The following CAPN1 variants were observed in gnomAD, a reference collection of about 807,000 sequenced individuals.
The protein encoded by CAPN1 is calpain 1.
A neutral mutation model predicts 105.2 loss-of-function variants in CAPN1; 77 were observed. That is an observed-to-expected ratio of 0.73 (90% CI 0.61 to 0.88). The LOEUF is 0.88. CAPN1 is among the 40% of genes least tolerant of loss of function. The probability of loss-of-function intolerance (pLI) is 0.00; values close to 1 mark genes in which losing one functional copy is unlikely to be tolerated. For synonymous variants in CAPN1, 355 were observed against 388.8 expected (o/e 0.91, Z 1.02); for missense variants, 833 against 976.6 (o/e 0.85, Z 1.96).
chr11:65,201,562 G>A (rs1192339157), intron 10 of CAPN1, among the ~76,000 whole-genome samples: 2 of 152,160 alleles, frequency 1.3e-5, no homozygotes, highest in East Asian at 3.9e-4. Context: ...CTGTCGCCCA[G>A]GCTTGAGTGC....
intron 10 of CAPN1, among the ~76,000 whole-genome samples, chr11:65,200,241 A>G (rs1948848024): frequency 6.6e-6 from 1 of 151,632 alleles, no homozygotes; most frequent in Non-Finnish European, 1.5e-5. Flanking sequence ...GGGTTTTACC[A>G]CCTCGCCCAG....
rs1157696749 is a variant in CAPN1 at position 65,188,160 on chromosome 11, C to T, written c.929+120C>T. The T allele has an allele frequency of 1.7e-5, 13 of 765,728 alleles. No homozygotes were observed. Among genetic ancestry groups the T allele is most frequent in the East Asian group, 1.1e-4 (4 of 37,226 alleles). 47.4% of individuals were successfully genotyped at this position (765,728 alleles called of 1,614,324 possible). On this transcript the variant is annotated intron_variant, in intron 8 of 21. Transcript: ENST00000279247. This position sits in a 1 kb window ranked among gnomAD's most constrained non-coding sequence, Gnocchi z 5.5. The stretch of plus-strand genomic sequence containing the variant: ...AGGATTGAGCAGAGGGGCCCATCTT[C>T]GCGCGACTGGGTCTGGGGGACTGCT...
intron 21 of CAPN1, 147 bp downstream of exon 21, chr11:65,211,019 TG>T: frequency 1.2e-6 from 1 of 811,944 alleles, no homozygotes; most frequent in Non-Finnish European, 2.1e-6. Flanking sequence ...CCTGAAAGGC[TG>T]GGGTGGGGGT....
At position 65,188,252 on chromosome 11, in the gene CAPN1, G is replaced by A; in HGVS notation, c.930-162G>A. On this transcript the variant is annotated intron_variant, in intron 8 of 21. Transcript: ENST00000279247. The surrounding 1 kb of genome is among the most constrained non-coding windows in gnomAD (Gnocchi z 5.5). ...CGGGTGTGTGCAGGGCATCAGACTG[G>A]CCCTGATGAGACCACCCCCTAGAAG... 1 of 707,754 alleles carries A rather than the reference G, an allele frequency of 1.4e-6. No homozygotes were observed. 43.8% of individuals were successfully genotyped at this position (707,754 alleles called of 1,614,324 possible).
intron 10 of CAPN1, among the ~76,000 whole-genome samples, chr11:65,204,342 T>C (rs1246830391): frequency 6.6e-6 from 1 of 152,130 alleles, no homozygotes; most frequent in African/African-American, 2.4e-5. Flanking sequence ...TGGGGTGCCC[T>C]CCGCCTGGCT....
Position 65,210,981 on chromosome 11 carries a change from C to A in CAPN1, c.2118+109C>A, listed in dbSNP as rs1329226534. ...CTGGAAATGAGCCTGGGCCTCAGAG[C>A]CAACCCTGAAGCCCGGGCCACCTGA... On this transcript the variant is annotated intron_variant, in intron 21 of 21. Coordinates refer to ENST00000279247, the MANE Select transcript of CAPN1 (RefSeq NM_005186.4). This position sits in a 1 kb window ranked among gnomAD's most constrained non-coding sequence, Gnocchi z 4.3. 7.6e-6 allele frequency: 8 copies of A among 1,048,564 alleles called. No homozygotes were observed. Among genetic ancestry groups the A allele is most frequent in the Non-Finnish European group, 1.0e-5 (7 of 674,240 alleles). The allele number at this position is 1,048,564 out of a possible 1,614,324, so 65.0% of individuals were successfully genotyped here.
chr11:65,187,309 G>C lies in CAPN1; in HGVS notation c.843+11G>C. On this transcript the variant is annotated intron_variant, in intron 7 of 21. Coordinates refer to ENST00000279247, the MANE Select transcript of CAPN1 (RefSeq NM_005186.4). ...ACCGGGGCCAAGCAGGTACTGCCCT[G>C]GGTGGGGCCTTCCCTGAAGGGCGGT... 1 of 1,601,082 alleles carries C rather than the reference G, an allele frequency of 6.2e-7. No homozygotes were observed. The highest frequency in any genetic ancestry group is 8.5e-7 in the Non-Finnish European group (1 of 1,170,058).
At chr11:65,197,216 A>G (rs944840226) in intron 10 of CAPN1, among the ~76,000 whole-genome samples, 2 of 74,808 alleles carry the variant, frequency 2.7e-5, no homozygotes, top group African/African-American at 6.6e-5. Context: ...TAATCTATCA[A>G]TTACTGAAAG....
Position 65,210,311 on chromosome 11 carries a change from A to T in CAPN1, c.1943-25A>T, listed in dbSNP as rs1204815439. 6.5e-7 allele frequency: 1 copy of T among 1,532,402 alleles called. No homozygotes were observed. Among genetic ancestry groups the T allele is most frequent in the East Asian group, 2.3e-5 (1 of 44,176 alleles). 94.9% of individuals were successfully genotyped at this position (1,532,402 alleles called of 1,614,324 possible). ...GTTGGGCAGGGGCTGCGCCTCACTGACCTTCACTCACTCTCCTGGACCAGG... is the reference window on the plus strand; with the variant it reads ...GTTGGGCAGGGGCTGCGCCTCACTGTCCTTCACTCACTCTCCTGGACCAGG... On this transcript the variant is annotated intron_variant, in intron 19 of 21. Transcript: ENST00000279247. The surrounding 1 kb of genome is among the most constrained non-coding windows in gnomAD (Gnocchi z 4.3).
intron 7 of CAPN1, 109 bp from the exon 8 acceptor site, chr11:65,187,846 C>G: frequency 2.8e-6 from 2 of 726,886 alleles, no homozygotes; most frequent in South Asian, 3.1e-5. Flanking sequence ...GAGCTGAGAT[C>G]GCACCACTGC....
At chr11:65,197,105 G>C (rs1389582272) in intron 10 of CAPN1, among the ~76,000 whole-genome samples, 2 of 152,140 alleles carry the variant, frequency 1.3e-5, no homozygotes, top group Non-Finnish European at 2.9e-5. Context: ...CCAGGCAGAG[G>C]GATCCTGAAG....
chr11:65,201,896 C>G (rs1948877254), intron 10 of CAPN1, among the ~76,000 whole-genome samples: 1 of 150,968 alleles, frequency 6.6e-6, no homozygotes, highest in Non-Finnish European at 1.5e-5. Flanking sequence ...GATCTTGGCT[C>G]ACTGCAACCT....
At chr11:65,183,045 T>C (rs1948568496) in intron 2 of CAPN1, 77 bp downstream of exon 2, 5 of 1,603,900 alleles carry the variant, frequency 3.1e-6, no homozygotes, top group Non-Finnish European at 4.3e-6. Context: ...TCCATGTCCC[T>C]GGTGGGGAAT....
Position 65,185,976 on chromosome 11 carries a change from C to G in CAPN1, c.516C>G (p.Asp172Glu). ...VVVDDLLPIK[D>E]GKLVFVHSAE... ...TGGATGACCTGCTGCCCATCAAGGA[C>G]GGGAAGCTAGTGTTCGTGCACTCTG... is the stretch of plus-strand genomic sequence containing the variant. The change falls in exon 5 of 22, where the codon GAC (aspartate) becomes GAG (glutamate). Residue 172 changes from aspartate (D) to glutamate (E), a missense_variant. Physicochemically the swap from Asp to Glu is conservative, Grantham distance 45 (BLOSUM62 2). Transcript: ENST00000279247. 1 of 1,602,606 alleles carries G rather than the reference C, an allele frequency of 6.2e-7. No homozygotes were observed. Among genetic ancestry groups the G allele is most frequent in the Non-Finnish European group, 8.5e-7 (1 of 1,174,502 alleles).
chr11:65,182,574 A>G (rs756692075), intron 1 of CAPN1, 127 bp from the exon 2 acceptor site: 3 of 987,204 alleles, frequency 3.0e-6, no homozygotes, highest in Non-Finnish European at 4.3e-6. Context: ...TGAGGGGAGC[A>G]GTGAGGCAGG....
At chr11:65,183,304 A>T in intron 3 of CAPN1, 107 bp downstream of exon 3, 1 of 1,232,942 alleles carries the variant, frequency 8.1e-7, no homozygotes, top group Admixed American at 1.7e-5. Flanking sequence ...CCCAGGCAGG[A>T]TCTGGCTATC....
chr11:65,187,778 T>G, intron 7 of CAPN1, 177 bp from the exon 8 acceptor site: 1 of 534,640 alleles, frequency 1.9e-6, no homozygotes. Flanking sequence ...TTCCAGCTAT[T>G]TGGGAGGCTG....
Position 65,208,899 on chromosome 11 carries a change from G to A in CAPN1, c.1730-424G>A. 3.9e-6 allele frequency: 1 copy of A among 257,822 alleles called. No individual in the cohort carries two copies. Among genetic ancestry groups the A allele is most frequent in the Non-Finnish European group, 7.7e-6 (1 of 130,182 alleles). The allele number at this position is 257,822 out of a possible 1,614,324, so 16.0% of individuals were successfully genotyped here. A position where few individuals can be genotyped will look rare whatever the true frequency, so the allele number is the denominator to read the frequency against. ...CACGTGACTGGCTTCACTCCCCAGG[G>A]CAGACAACTGCTGGCCTCTCATCCC... On this transcript the variant is annotated intron_variant, in intron 16 of 21. Transcript: ENST00000279247. The surrounding 1 kb of genome is among the most constrained non-coding windows in gnomAD (Gnocchi z 4.1).
chr11:65,202,429 T>C (rs994312875), intron 10 of CAPN1, among the ~76,000 whole-genome samples: 1 of 152,130 alleles, frequency 6.6e-6, no homozygotes, highest in Non-Finnish European at 1.5e-5. Context: ...CGATTTTATT[T>C]ATTTATTTAT....
Sources: gnomAD v4.1 joint callset for allele counts (sites outside exome capture counted in the v4.1 genomes callset) on GRCh38, gnomAD v4.1.1 for gene constraint, Gnocchi (gnomAD v3.1) non-coding constraint, MANE v1.5 for transcripts, NCBI Gene and HGNC (gene_info 2026-07-23, HGNC 2026-07-21) for gene names.